EYS: variants seen among roughly 807,000 people sequenced by gnomAD.
The protein encoded by EYS is EGF-like photoreceptor maintenance factor.
Under a neutral mutation model 282.1 loss-of-function variants are expected in EYS, and 250 were observed. That is an observed-to-expected ratio of 0.89 (90% CI 0.80 to 0.98). The LOEUF (loss-of-function observed/expected upper bound fraction) is 0.98. Ranked by LOEUF, EYS falls within the 50% of genes least tolerant of loss-of-function variation. The probability of loss-of-function intolerance (pLI) is 0.00; values close to 1 mark genes in which losing one functional copy is unlikely to be tolerated. For synonymous variants in EYS, 1,355 were observed against 1,282.9 expected (o/e 1.06, Z -1.20); for missense variants, 4,016 against 3,709.0 (o/e 1.08, Z -2.15).
intron 31 of EYS, among the ~76,000 whole-genome samples, chr6:64,195,450 G>A (rs552970231): frequency 3.9e-4 from 60 of 152,156 alleles, no homozygotes; most frequent in African/African-American, 1.4e-3. Context: ...CTACAGGCAC[G>A]TGCCACCATG....
intron 2 of EYS, among the ~76,000 whole-genome samples, chr6:65,517,202 ATTATT>A (rs1195536819): frequency 1.3e-5 from 2 of 151,920 alleles, no homozygotes; most frequent in Admixed American, 1.3e-4. Flanking sequence ...AGGATATTAT[ATTATT>A]TTATTTTCCA....
intron 22 of EYS, among the ~76,000 whole-genome samples, chr6:64,653,928 C>A (rs902293335): frequency 2.0e-5 from 3 of 152,038 alleles, no homozygotes; most frequent in Non-Finnish European, 4.4e-5. Context: ...ATTTGATAAT[C>A]ACAAAAAGTA....
At chr6:64,229,533 A>C (rs1417242827) in intron 31 of EYS, among the ~76,000 whole-genome samples, 2 of 152,230 alleles carry the variant, frequency 1.3e-5, no homozygotes, top group Non-Finnish European at 2.9e-5. Context: ...GTATCTTCAG[A>C]GCATTTTATA....
rs559844425 is a variant in EYS, at chr6:65,164,827, C to T, written c.2024-107100G>A. ...CAATATTCATCACTCATTGAATTCT[C>T]GATGTACAACCCCAGTCTCTGCCTT... On this transcript the variant is annotated intron_variant, in intron 12 of 42. Transcript: ENST00000503581. Among the ~76,000 whole-genome samples, 41 of 151,292 alleles carry T rather than the reference C, an allele frequency of 2.7e-4. No individual in the cohort carries two copies. The South Asian group carries it at 6.8e-3, about 25-fold the overall frequency.
At chr6:64,586,658 C>A (rs545358181) in intron 26 of EYS, among the ~76,000 whole-genome samples, 2 of 152,062 alleles carry the variant, frequency 1.3e-5, no homozygotes, top group African/African-American at 4.8e-5. Flanking sequence ...TTTAATGATG[C>A]AGTAAATTAC....
intron 14 of EYS, among the ~76,000 whole-genome samples, chr6:64,952,548 G>A (rs1205258051): frequency 6.6e-6 from 1 of 151,942 alleles, no homozygotes; most frequent in South Asian, 2.1e-4. Flanking sequence ...TCTCTGTGAT[G>A]TTTGTTTCCT....
chr6:64,649,127 T>C (rs1291939878), intron 22 of EYS, among the ~76,000 whole-genome samples: 6 of 152,160 alleles, frequency 3.9e-5, no homozygotes, highest in Non-Finnish European at 8.8e-5. Context: ...AGCATTTTTT[T>C]GCTCTTACTG....
intron 12 of EYS, among the ~76,000 whole-genome samples, chr6:65,194,853 G>GTT (rs34946669): frequency 0.01 from 1,454 of 142,774 alleles, 13 homozygotes; most frequent in Middle Eastern, 0.023. Flanking sequence ...TTTGCCAGTT[G>GTT]TTTTTTTTTT....
At chr6:64,286,862 T>C (rs1403632359) in intron 30 of EYS, among the ~76,000 whole-genome samples, 1 of 152,184 alleles carries the variant, frequency 6.6e-6, no homozygotes, top group Non-Finnish European at 1.5e-5. Flanking sequence ...AGTTTGTCTT[T>C]AGTGAATGAA....
chr6:64,288,275 G>A (rs1256305926), intron 30 of EYS, among the ~76,000 whole-genome samples: 1 of 151,852 alleles, frequency 6.6e-6, no homozygotes, highest in African/African-American at 2.4e-5. Context: ...TATTTTTAAT[G>A]CATATCATAT....
chr6:64,771,233 G>T (rs1773513965), intron 22 of EYS, among the ~76,000 whole-genome samples: 1 of 151,450 alleles, frequency 6.6e-6, no homozygotes, highest in East Asian at 1.9e-4. Flanking sequence ...TCTATAGCTA[G>T]ATCCCCTTTC....
chr6:64,453,333 C>T (rs1372798005), intron 26 of EYS, among the ~76,000 whole-genome samples: 8 of 152,066 alleles, frequency 5.3e-5, no homozygotes, highest in African/African-American at 1.2e-4. Context: ...GTTAGAATGG[C>T]GATCATTAAA....
At chr6:65,703,942 A>T (rs1228869579) in intron 1 of EYS, among the ~76,000 whole-genome samples, 1 of 152,160 alleles carries the variant, frequency 6.6e-6, no homozygotes, top group Admixed American at 6.5e-5. Flanking sequence ...TCTGTTAAAC[A>T]CAGTATTAAC....
chr6:63,775,536 TG>T (rs1770043072), intron 40 of EYS, among the ~76,000 whole-genome samples: 1 of 152,222 alleles, frequency 6.6e-6, no homozygotes, highest in Non-Finnish European at 1.5e-5. Flanking sequence ...AGCTTTGAGC[TG>T]TCTATAAGGC....
intron 26 of EYS, among the ~76,000 whole-genome samples, chr6:64,575,497 G>A (rs1765854253): frequency 6.6e-6 from 1 of 152,074 alleles, no homozygotes; most frequent in Non-Finnish European, 1.5e-5. Context: ...GTCCAGGGAA[G>A]GTGGTAAGAA....
At chr6:65,669,809 T>G (rs1768324422) in intron 1 of EYS, among the ~76,000 whole-genome samples, 1 of 151,878 alleles carries the variant, frequency 6.6e-6, no homozygotes, top group African/African-American at 2.4e-5. Context: ...CATATGCGAG[T>G]TAACTATGGC....
intron 31 of EYS, among the ~76,000 whole-genome samples, chr6:64,096,246 G>T (rs951793313): frequency 6.6e-6 from 1 of 152,000 alleles, no homozygotes; most frequent in Non-Finnish European, 1.5e-5. Context: ...TGCTTTTCTC[G>T]AGGAGTATCT....
intron 1 of EYS, among the ~76,000 whole-genome samples, chr6:65,660,052 T>C (rs935750549): frequency 6.6e-6 from 1 of 151,370 alleles, no homozygotes; most frequent in Non-Finnish European, 1.5e-5. Flanking sequence ...TGACAGGGTA[T>C]AGTGCAAAAT....
At chr6:64,728,583 C>T (rs1038978243) in intron 22 of EYS, among the ~76,000 whole-genome samples, 2 of 152,136 alleles carry the variant, frequency 1.3e-5, no homozygotes, top group Non-Finnish European at 1.5e-5. Flanking sequence ...GATCTGCCCA[C>T]CTTGACCTCC....
Sources: gnomAD v4.1 joint callset for allele counts (sites outside exome capture counted in the v4.1 genomes callset) on GRCh38, gnomAD v4.1.1 for gene constraint, MANE v1.5 for transcripts, NCBI Gene and HGNC (gene_info 2026-07-23, HGNC 2026-07-21) for gene names.